GASK1B: variants seen among roughly 807,000 people sequenced by gnomAD.
The protein encoded by GASK1B is Golgi-associated kinase 1B.
Under a neutral mutation model 42.8 loss-of-function variants are expected in GASK1B, and 34 were observed. The observed-to-expected ratio is 0.79, with a 90% confidence interval of 0.60 to 1.06. GASK1B has a LOEUF of 1.06. Ranked by LOEUF, GASK1B falls within the 50% of genes least tolerant of loss-of-function variation. GASK1B has a pLI of 0.00. For missense variants in GASK1B, 686 were observed against 661.0 expected (o/e 1.04, Z -0.42); for synonymous variants, 262 against 259.1 (o/e 1.01, Z -0.11).
At chr4:158,138,643 T>C (rs1420410911) in intron 3 of GASK1B, among the ~76,000 whole-genome samples, 3 of 151,982 alleles carry the variant, frequency 2.0e-5, no homozygotes, top group Non-Finnish European at 4.4e-5. Context: ...TCAATTTTTT[T>C]CTATAATATA....
chr4:158,135,373 T>A (rs1043208489), intron 3 of GASK1B, among the ~76,000 whole-genome samples: 1 of 148,500 alleles, frequency 6.7e-6, no homozygotes. Context: ...TTTATATATA[T>A]AAAATGCTGC....
intron 4 of GASK1B, among the ~76,000 whole-genome samples, chr4:158,129,077 G>A (rs1425753949): frequency 6.6e-6 from 1 of 152,126 alleles, no homozygotes; most frequent in East Asian, 1.9e-4. Context: ...GGAATATTCA[G>A]TGCATAAATT....
In GASK1B at chr4:158,154,887, A is replaced by G. The variant is rs193288710; in HGVS notation, c.1125+724T>C. 3.3e-4 allele frequency among the ~76,000 whole-genome samples: 50 copies of G among 152,276 alleles called. No homozygotes were observed. In the South Asian group the frequency reaches 9.7e-3, roughly 30 times the overall value. ...ATGGGAGGAGAGTGAGGGATAAAAGACTACACATTGGGTACAGTGTACACT... is the reference window on the plus strand; with the variant it reads ...ATGGGAGGAGAGTGAGGGATAAAAGGCTACACATTGGGTACAGTGTACACT... On this transcript the variant is annotated intron_variant, in intron 3 of 4. Coordinates refer to ENST00000585682, the MANE Select transcript of GASK1B (RefSeq NM_001128424.2).
intron 3 of GASK1B, among the ~76,000 whole-genome samples, chr4:158,142,037 T>C (rs1382891886): frequency 1.2e-4 from 16 of 138,674 alleles, no homozygotes; most frequent in South Asian, 2.5e-4. Flanking sequence ...CTCCGCTTCC[T>C]GGGTTCACGC....
chr4:158,163,425 C>T (rs1035689445), intron 2 of GASK1B, among the ~76,000 whole-genome samples: 1 of 152,016 alleles, frequency 6.6e-6, no homozygotes, highest in Non-Finnish European at 1.5e-5. Flanking sequence ...AAAGATTAGC[C>T]GGGCGTGGTG....
At chr4:158,135,643 T>C (rs1186049427) in intron 3 of GASK1B, among the ~76,000 whole-genome samples, 2 of 151,750 alleles carry the variant, frequency 1.3e-5, no homozygotes, top group African/African-American at 4.8e-5. Flanking sequence ...TTAAAGTCCA[T>C]GCTCTTATCC....
Position 158,127,483 on chromosome 4 carries a change from A to G in GASK1B, c.1484T>C (p.Val495Ala). Reference protein sequence around the residue: ...GRQGIEKLIDVIEHRAKILIT... With the variant: ...GRQGIEKLIDAIEHRAKILIT... ...AAGAATTTTGGCTCTGTGTTCTATT[A>G]CATCGATAAGCTTTTCAATTCCTTG... is the stretch of plus-strand genomic sequence containing the variant. Residue 495 changes from valine to alanine, a missense_variant, in exon 5 of 5, where the codon GTA becomes GCA. Transcript: ENST00000585682. 1 of 1,613,810 alleles carries G rather than the reference A, an allele frequency of 6.2e-7. No individual in the cohort carries two copies. The highest frequency in any genetic ancestry group is 8.5e-7 in the Non-Finnish European group (1 of 1,179,768).
chr4:158,150,388 C>T (rs981626013), intron 3 of GASK1B, among the ~76,000 whole-genome samples: 1 of 152,076 alleles, frequency 6.6e-6, no homozygotes, highest in African/African-American at 2.4e-5. Context: ...GTTTCCTAAG[C>T]TTAGAGTCTC....
At chr4:158,140,630 G>T (rs1731078202) in intron 3 of GASK1B, among the ~76,000 whole-genome samples, 1 of 152,174 alleles carries the variant, frequency 6.6e-6, no homozygotes, top group Non-Finnish European at 1.5e-5. Flanking sequence ...CTTTGCTCGA[G>T]CATACCCATC....
chr4:158,137,380 T>C (rs1730937285), intron 3 of GASK1B, among the ~76,000 whole-genome samples: 1 of 152,166 alleles, frequency 6.6e-6, no homozygotes, highest in Admixed American at 6.5e-5. Context: ...ACAATTATTT[T>C]AATTATTTCA....
intron 3 of GASK1B, among the ~76,000 whole-genome samples, chr4:158,139,143 G>T (rs762470800): frequency 5.9e-5 from 9 of 152,162 alleles, no homozygotes; most frequent in African/African-American, 2.2e-4. Context: ...CGAGTGACTC[G>T]TGTGGATTTC....
At position 158,125,199 on chromosome 4, in the gene GASK1B, A is replaced by G. The variant is rs1248240051; in HGVS notation, c.*2208T>C. On this transcript the variant is annotated 3_prime_UTR_variant, in exon 5 of 5. Transcript: ENST00000585682. ...CATTGATTACAAAACAAAATTGTTA[A>G]AAAGCAAAGGTGACTAAAATAAACA... The G allele has an allele frequency of 3.9e-5, 6 of 152,228 alleles. No homozygotes were observed. The highest frequency in any genetic ancestry group is 8.8e-5 in the Non-Finnish European group (6 of 68,032). The allele number at this position is 152,228 out of a possible 1,614,324, so 9.4% of individuals were successfully genotyped here.
chr4:158,139,526 A>G (rs1411995027), intron 3 of GASK1B, among the ~76,000 whole-genome samples: 1 of 152,182 alleles, frequency 6.6e-6, no homozygotes, highest in African/African-American at 2.4e-5. Context: ...TTTATTTCAG[A>G]AAAGATAACC....
intron 2 of GASK1B, among the ~76,000 whole-genome samples, chr4:158,162,982 A>C (rs911052567): frequency 1.8e-4 from 28 of 152,184 alleles, no homozygotes; most frequent in Non-Finnish European, 3.2e-4. Context: ...TTCAGGGAAC[A>C]TATATTATTC....
At chr4:158,164,915 G>A (rs557742163) in intron 2 of GASK1B, among the ~76,000 whole-genome samples, 4 of 152,112 alleles carry the variant, frequency 2.6e-5, no homozygotes, top group African/African-American at 4.8e-5. Flanking sequence ...TTTATAATAC[G>A]AAGAGGCAAT....
chr4:158,130,443 C>A (rs1459619192), intron 4 of GASK1B, among the ~76,000 whole-genome samples: 1 of 152,156 alleles, frequency 6.6e-6, no homozygotes, highest in Admixed American at 6.6e-5. Flanking sequence ...GGAGCCTCTG[C>A]CACCTGCTTA....
intron 3 of GASK1B, among the ~76,000 whole-genome samples, chr4:158,136,007 A>G (rs1294511844): frequency 1.3e-5 from 2 of 152,232 alleles, no homozygotes; most frequent in Admixed American, 6.5e-5. Context: ...TTTGAAATGG[A>G]AAATACCAGA....
chr4:158,128,582 G>A (rs1730549018), intron 4 of GASK1B, among the ~76,000 whole-genome samples: 1 of 152,162 alleles, frequency 6.6e-6, no homozygotes, highest in Non-Finnish European at 1.5e-5. Context: ...AAAAACTATA[G>A]TAAGAACATA....
At chr4:158,153,959 G>A (rs1458571011) in intron 3 of GASK1B, among the ~76,000 whole-genome samples, 2 of 152,040 alleles carry the variant, frequency 1.3e-5, no homozygotes, top group Admixed American at 6.6e-5. Context: ...AAGGCTTCAT[G>A]ACCAAGAACC....
Sources: gnomAD v4.1 joint callset for allele counts (sites outside exome capture counted in the v4.1 genomes callset) on GRCh38, gnomAD v4.1.1 for gene constraint, MANE v1.5 for transcripts, NCBI Gene and HGNC (gene_info 2026-07-23, HGNC 2026-07-21) for gene names.